AGBL4: variants seen among roughly 807,000 people sequenced by gnomAD.
The protein encoded by AGBL4 is cytosolic carboxypeptidase 6.
A neutral mutation model predicts 66.4 loss-of-function variants in AGBL4; 58 were observed. The ratio of observed to expected loss-of-function variants is 0.87; its 90% confidence interval spans 0.71 to 1.09. AGBL4 has a LOEUF of 1.09. Ranked by LOEUF, AGBL4 falls within the 50% of genes least tolerant of loss-of-function variation. The pLI is 0.00. For missense variants in AGBL4, 579 were observed against 631.0 expected, an observed-to-expected ratio of 0.92 and a Z score of 0.88; for synonymous variants, 234 against 222.9, an observed-to-expected ratio of 1.05 and a Z score of -0.44.
chr1:49,859,618 C>T (rs991166156), intron 1 of AGBL4, among the ~76,000 whole-genome samples: 17 of 152,006 alleles, frequency 1.1e-4, no homozygotes, highest in South Asian at 8.3e-4. Context: ...CTTTATCTTA[C>T]ATAATATGTA....
chr1:48,796,568 C>T (rs776304813), intron 6 of AGBL4, among the ~76,000 whole-genome samples: 1 of 152,148 alleles, frequency 6.6e-6, no homozygotes, highest in African/African-American at 2.4e-5. Flanking sequence ...CATTTTCTCC[C>T]CAGCTTCTAA....
intron 2 of AGBL4, among the ~76,000 whole-genome samples, chr1:49,787,672 C>T (rs942898342): frequency 1.3e-5 from 2 of 152,082 alleles, no homozygotes; most frequent in African/African-American, 4.8e-5. Flanking sequence ...CAGTTTGTTA[C>T]AGTGAAAGGA....
chr1:48,967,898 T>A (rs1449490148), intron 5 of AGBL4, among the ~76,000 whole-genome samples: 1 of 152,168 alleles, frequency 6.6e-6, no homozygotes, highest in Non-Finnish European at 1.5e-5. Context: ...TCAGAGTTAC[T>A]AATTTATAAT....
chr1:49,019,357 C>T (rs1466976035), intron 5 of AGBL4, among the ~76,000 whole-genome samples: 1 of 152,188 alleles, frequency 6.6e-6, no homozygotes, highest in Non-Finnish European at 1.5e-5. Flanking sequence ...GAGGCCCCAC[C>T]TCAAGGAAAG....
chr1:48,765,964 T>C (rs1041550819), intron 6 of AGBL4, among the ~76,000 whole-genome samples: 2 of 152,208 alleles, frequency 1.3e-5, no homozygotes, highest in Non-Finnish European at 2.9e-5. Flanking sequence ...ATTTTCTTTT[T>C]GGGTGATAAA....
chr1:49,203,602 G>T (rs1329995742), intron 4 of AGBL4, among the ~76,000 whole-genome samples: 1 of 152,106 alleles, frequency 6.6e-6, no homozygotes, highest in African/African-American at 2.4e-5. Context: ...GGTTGTCAGG[G>T]GCTGAAGGGA....
chr1:49,072,933 G>A (rs1644638275), intron 4 of AGBL4, among the ~76,000 whole-genome samples: 1 of 152,042 alleles, frequency 6.6e-6, no homozygotes, highest in Admixed American at 6.5e-5. Context: ...TGCAGGCTTT[G>A]TTCATTTCTT....
chr1:48,603,114 A>T (rs2148367010), intron 9 of AGBL4, among the ~76,000 whole-genome samples: 1 of 152,360 alleles, frequency 6.6e-6, no homozygotes, highest in African/African-American at 2.4e-5. Context: ...AGAGAAAGAC[A>T]GTGTAGGCAG....
rs1323297015 is a variant in AGBL4 at position 48,736,508 on chromosome 1, GCTTCT to G, written c.635-73272_635-73268del. ...TAGTCCGACAGGAGGGCAGTGGGAG[GCTTCT>G]CTTGTCCTTTAAAAAGCATTGCTGC... is the stretch of plus-strand genomic sequence containing the variant. On this transcript the variant is annotated intron_variant, in intron 6 of 13. Coordinates refer to ENST00000371839, the MANE Select transcript of AGBL4 (RefSeq NM_032785.4). This position sits in a 1 kb window ranked among gnomAD's most constrained non-coding sequence, Gnocchi z 4.0. 5.5e-6 allele frequency: 8 copies of G among 1,464,186 alleles called. No homozygotes were observed. Among genetic ancestry groups the G allele is most frequent in the Middle Eastern group, 2.2e-4 (1 of 4,622 alleles). 90.7% of individuals were successfully genotyped at this position (1,464,186 alleles called of 1,614,324 possible).
intron 4 of AGBL4, among the ~76,000 whole-genome samples, chr1:49,195,155 A>G (rs573867048): frequency 6.6e-6 from 1 of 151,408 alleles, no homozygotes; most frequent in African/African-American, 2.4e-5. Flanking sequence ...TTTTATTCCT[A>G]TGTCTGTTTG....
rs575891423 is a variant in AGBL4, at chr1:49,686,971, G to A, written c.282+10342C>T. Among the ~76,000 whole-genome samples, 5 of 152,256 alleles carry A rather than the reference G, an allele frequency of 3.3e-5. No individual in the cohort carries two copies. In the South Asian group the frequency reaches 1.0e-3, roughly 32 times the overall value. On this transcript the variant is annotated intron_variant, in intron 3 of 13. Coordinates refer to ENST00000371839, the MANE Select transcript of AGBL4 (RefSeq NM_032785.4). Reference sequence around the variant, plus strand: ...CAGGAAAAATACAGTAAAATTCATGGAAATATGAAACAACATGGTCGCTGT... The same window carrying A: ...CAGGAAAAATACAGTAAAATTCATGAAAATATGAAACAACATGGTCGCTGT...
intron 3 of AGBL4, among the ~76,000 whole-genome samples, chr1:49,650,870 C>T (rs1645990358): frequency 6.6e-6 from 1 of 152,150 alleles, no homozygotes; most frequent in African/African-American, 2.4e-5. Flanking sequence ...GTGGATGTAG[C>T]AGAGGCTTTC....
chr1:49,183,526 C>T (rs1384610972), intron 4 of AGBL4, among the ~76,000 whole-genome samples: 1 of 152,110 alleles, frequency 6.6e-6, no homozygotes, highest in Non-Finnish European at 1.5e-5. Context: ...AGTGCTATTT[C>T]TAATAATCCA....
At chr1:49,935,144 T>C (rs2148274755) in intron 1 of AGBL4, among the ~76,000 whole-genome samples, 1 of 152,314 alleles carries the variant, frequency 6.6e-6, no homozygotes, top group South Asian at 2.1e-4. Context: ...ACAGCGCTTT[T>C]CCGATGGGCT....
intron 3 of AGBL4, among the ~76,000 whole-genome samples, chr1:49,696,130 T>C (rs1214104019): frequency 1.3e-5 from 2 of 152,140 alleles, no homozygotes; most frequent in Non-Finnish European, 2.9e-5. Context: ...AAGGTAGATG[T>C]TGGATTGCAG....
At chr1:50,023,529 C>G (rs1662602771) in intron 1 of AGBL4, among the ~76,000 whole-genome samples, 1 of 152,198 alleles carries the variant, frequency 6.6e-6, no homozygotes, top group Admixed American at 6.5e-5. Context: ...CATGTTCTGT[C>G]AGAAGTGTGC....
chr1:49,587,277 GAAAAGAAAAGAAAAGA>G (rs1318625317), intron 3 of AGBL4, among the ~76,000 whole-genome samples: 1 of 146,796 alleles, frequency 6.8e-6, no homozygotes, highest in African/African-American at 2.5e-5. Context: ...AAAGAAAAAA[GAAAAGAAAAGAAAAGA>G]AAAAGAAAAG....
intron 5 of AGBL4, among the ~76,000 whole-genome samples, chr1:48,993,523 C>A (rs1480483777): frequency 2.6e-5 from 4 of 152,116 alleles, no homozygotes; most frequent in Admixed American, 1.3e-4. Flanking sequence ...CTGGCTGATG[C>A]CCCTCAAGTT....
At chr1:48,565,896 T>C (rs1247994996) in intron 11 of AGBL4, among the ~76,000 whole-genome samples, 1 of 152,200 alleles carries the variant, frequency 6.6e-6, no homozygotes, top group African/African-American at 2.4e-5. Flanking sequence ...GGAGAAGTTC[T>C]TGGCCCTTGC....
Sources: gnomAD v4.1 joint callset for allele counts (sites outside exome capture counted in the v4.1 genomes callset) on GRCh38, gnomAD v4.1.1 for gene constraint, Gnocchi (gnomAD v3.1) non-coding constraint, MANE v1.5 for transcripts, NCBI Gene and HGNC (gene_info 2026-07-23, HGNC 2026-07-21) for gene names.